PICK1: variants seen among roughly 807,000 people sequenced by gnomAD.
PICK1 encodes protein interacting with PRKCA 1.
In PICK1, 23 loss-of-function variants were observed where a neutral mutation model predicts 48.9. The observed-to-expected ratio is 0.47, with a 90% CI of 0.34 to 0.67. The LOEUF is 0.67. PICK1 is among the 30% of genes least tolerant of loss of function. The pLI is 0.01. For missense variants in PICK1, 423 were observed against 557.1 expected (o/e 0.76, Z 2.42); for synonymous variants, 217 against 228.2 (o/e 0.95, Z 0.44).
Position 38,073,499 on chromosome 22 carries a change from T to A in PICK1, c.784-274T>A, listed in dbSNP as rs780529015. 6.6e-6 allele frequency among the ~76,000 whole-genome samples: 1 copy of A among 152,236 alleles called. No homozygotes were observed. Among genetic ancestry groups the A allele is most frequent in the Non-Finnish European group, 1.5e-5 (1 of 68,038 alleles). The stretch of plus-strand genomic sequence containing the variant: ...CTGCAGGACTTATCAGAGCCTTTGC[T>A]AGGCTGATGTGCAGTGTGAATTTTC... On this transcript the variant is annotated intron_variant, in intron 10 of 12. Transcript: ENST00000356976. This position sits in a 1 kb window ranked among gnomAD's most constrained non-coding sequence, Gnocchi z 5.7.
chr22:38,059,368 G>T (rs373824807), intron 3 of PICK1, 23 bp downstream of exon 3: 1 of 1,450,648 alleles, frequency 6.9e-7, no homozygotes, highest in African/African-American at 1.4e-5. Context: ...TTGGAGGGGG[G>T]CACAAGGTAC....
At chr22:38,071,844 G>A (rs2085704089) in intron 8 of PICK1, 100 bp downstream of exon 8, 1 of 1,016,116 alleles carries the variant, frequency 9.8e-7, no homozygotes, top group Non-Finnish European at 1.6e-6. Flanking sequence ...CTGACCTCAG[G>A]CTCCCTCTGG....
At chr22:38,062,250 CTT>C (rs58816852) in intron 3 of PICK1, among the ~76,000 whole-genome samples, 590 of 133,664 alleles carry the variant, frequency 4.4e-3, no homozygotes, top group Non-Finnish European at 4.6e-3. Context: ...AATTTCCCAT[CTT>C]TTTTTTTTTT....
chr22:38,073,935 G>C lies in PICK1; in HGVS notation c.834+112G>C. 4.5e-6 allele frequency: 5 copies of C among 1,107,160 alleles called. No homozygotes were observed. Among genetic ancestry groups the C allele is most frequent in the South Asian group, 1.3e-5 (1 of 79,310 alleles). 68.6% of individuals were successfully genotyped at this position (1,107,160 alleles called of 1,614,324 possible). ...ACCGGGGGGACTTGGCTGGACTCTC[G>C]TTCCTGGAGATTTAGGGCCATCTTC... On this transcript the variant is annotated intron_variant, in intron 11 of 12. Coordinates refer to ENST00000356976, the MANE Select transcript of PICK1 (RefSeq NM_012407.4). The surrounding 1 kb of genome is among the most constrained non-coding windows in gnomAD (Gnocchi z 5.7).
rs1416453754 is a variant in PICK1 at position 38,066,385 on chromosome 22, T to A, written c.282+1255T>A. On this transcript the variant is annotated intron_variant, in intron 4 of 12. Transcript: ENST00000356976. This position sits in a 1 kb window ranked among gnomAD's most constrained non-coding sequence, Gnocchi z 4.1. The stretch of plus-strand genomic sequence containing the variant: ...TCTCCACTCGCCAGGTCCCTCCCTG[T>A]CCTCTCAGGCTTGGTCATACCAGCA... Among the ~76,000 whole-genome samples, 1 of 152,188 alleles carries A rather than the reference T, an allele frequency of 6.6e-6. No individual in the cohort carries two copies. Among genetic ancestry groups the A allele is most frequent in the Non-Finnish European group, 1.5e-5 (1 of 68,026 alleles).
chr22:38,072,461 C>A lies in PICK1; in HGVS notation c.557-16C>A. 1 of 1,610,746 alleles carries A rather than the reference C, an allele frequency of 6.2e-7. No homozygotes were observed. The highest frequency in any genetic ancestry group is 8.5e-7 in the Non-Finnish European group (1 of 1,179,088). ...GGCCAAGTAGGGGCAGCCTTCAAGG[C>A]AAACTTGTCCTGCAGCCTTTGGGGA... On this transcript the variant is annotated splice_polypyrimidine_tract_variant and intron_variant, in intron 8 of 12. Transcript: ENST00000356976.
rs1038678710 is a variant in PICK1, at chr22:38,066,585, G to A, written c.283-1119G>A. On this transcript the variant is annotated intron_variant, in intron 4 of 12. Coordinates refer to ENST00000356976, the MANE Select transcript of PICK1 (RefSeq NM_012407.4). The surrounding 1 kb of genome is among the most constrained non-coding windows in gnomAD (Gnocchi z 4.1). Reference sequence around the variant, plus strand: ...TGGTCACACAGCTGAACTGGAGCCCGGGCCCGACTCCCACTGCAGCCCGCT... The same window carrying A: ...TGGTCACACAGCTGAACTGGAGCCCAGGCCCGACTCCCACTGCAGCCCGCT... Among the ~76,000 whole-genome samples the A allele has an allele frequency of 3.9e-5, 6 of 152,148 alleles. No individual in the cohort carries two copies. The highest frequency in any genetic ancestry group is 9.7e-5 in the African/African-American group (4 of 41,418).
chr22:38,064,394 A>G, intron 3 of PICK1, among the ~76,000 whole-genome samples: 1 of 152,096 alleles, frequency 6.6e-6, no homozygotes, highest in East Asian at 1.9e-4. Flanking sequence ...AAGTAGTGTC[A>G]ACTTCATTTT....
intron 8 of PICK1, 42 bp downstream of exon 8, chr22:38,071,786 C>G (rs2085702788): frequency 6.5e-7 from 1 of 1,538,422 alleles, no homozygotes; most frequent in South Asian, 1.1e-5. Flanking sequence ...CGTGGGCAAT[C>G]CCTGGGGCCT....
intron 6 of PICK1, among the ~76,000 whole-genome samples, chr22:38,070,014 G>A (rs960826788): frequency 5.9e-5 from 9 of 152,232 alleles, no homozygotes; most frequent in Non-Finnish European, 1.0e-4. Flanking sequence ...CAGGTGCTAA[G>A]GCTCTGGGGA....
In PICK1 at chr22:38,074,119, G is replaced by T; in HGVS notation, c.835-188G>T. On this transcript the variant is annotated intron_variant, in intron 11 of 12. Transcript: ENST00000356976. This position sits in a 1 kb window ranked among gnomAD's most constrained non-coding sequence, Gnocchi z 4.5. ...TGTCGGGATCCATTTCGTGGCCAGT[G>T]TTCATTGAATGTGGCAGAGGTTTGG... 1.5e-6 allele frequency: 1 copy of T among 682,784 alleles called. No homozygotes were observed. Among genetic ancestry groups the T allele is most frequent in the Non-Finnish European group, 2.5e-6 (1 of 405,278 alleles). 42.3% of individuals were successfully genotyped at this position (682,784 alleles called of 1,614,324 possible).
rs938613885 is a variant in PICK1, at chr22:38,075,270, G to T, written c.*138G>T. 8.4e-6 allele frequency: 7 copies of T among 836,326 alleles called. No individual in the cohort carries two copies. The highest frequency in any genetic ancestry group is 5.8e-5 in the Admixed American group (2 of 34,678). The allele number at this position is 836,326 out of a possible 1,614,324, so 51.8% of individuals were successfully genotyped here. Reference sequence around the variant, plus strand: ...CCTGCCTCCCTGCTCCTCTGTCCTCGCACAGCGAACCTGGGCTCCTGCCCA... The same window carrying T: ...CCTGCCTCCCTGCTCCTCTGTCCTCTCACAGCGAACCTGGGCTCCTGCCCA... On this transcript the variant is annotated 3_prime_UTR_variant, in exon 13 of 13. Transcript: ENST00000356976.
At chr22:38,069,738 G>T (rs547905855) in intron 6 of PICK1, among the ~76,000 whole-genome samples, 58 of 152,276 alleles carry the variant, frequency 3.8e-4, no homozygotes, top group African/African-American at 1.2e-3. Context: ...CTAAGGAAGT[G>T]GGGGTGGGGA....
At position 38,057,847 on chromosome 22, in the gene PICK1, A is replaced by G. The variant is rs758299374; in HGVS notation, c.38A>G (p.Lys13Arg). Residue 13 changes from lysine to arginine, a missense_variant, in exon 2 of 13, where the codon AAA becomes AGA. Lys to Arg is a conservative substitution (Grantham distance 26, BLOSUM62 2). Transcript: ENST00000356976. ...ADLDYDIEED[K>R]LGIPTVPGKV... ...TTGGATTATGACATCGAAGAGGATA[A>G]ACTGTGAGTATTTTATTCCCCCAAG... 1 of 1,613,330 alleles carries G rather than the reference A, an allele frequency of 6.2e-7. No homozygotes were observed. Among genetic ancestry groups the G allele is most frequent in the Non-Finnish European group, 8.5e-7 (1 of 1,179,224 alleles).
chr22:38,075,683 C>G lies in PICK1; in HGVS notation c.*551C>G, dbSNP rs552414089. ...GGGTTCTGGGCCTGTATCGAATAAA[C>G]ACAAACCTGGATGGCGCAGTGGTCG... On this transcript the variant is annotated 3_prime_UTR_variant, in exon 13 of 13. Coordinates refer to ENST00000356976, the MANE Select transcript of PICK1 (RefSeq NM_012407.4). 6.4e-6 allele frequency: 1 copy of G among 155,230 alleles called. No homozygotes were observed. The highest frequency in any genetic ancestry group is 2.4e-5 in the African/African-American group (1 of 41,508). 9.6% of individuals were successfully genotyped at this position (155,230 alleles called of 1,614,324 possible). A position where few individuals can be genotyped will look rare whatever the true frequency, so the allele number is the denominator to read the frequency against.
At position 38,061,353 on chromosome 22, in the gene PICK1, A is replaced by C. The variant is rs186865693; in HGVS notation, c.153+2008A>C. 7.4e-3 allele frequency among the ~76,000 whole-genome samples: 1,117 copies of C among 151,068 alleles called. 9 individuals are homozygous for C. Among genetic ancestry groups the C allele is most frequent in the Non-Finnish European group, 0.011 (717 of 67,956 alleles). ...GAGACTCCGTCTCAAAAATAATAAT[A>C]ATCATCATCATCATAGAATTGATTT... On this transcript the variant is annotated intron_variant, in intron 3 of 12. Coordinates refer to ENST00000356976, the MANE Select transcript of PICK1 (RefSeq NM_012407.4).
Position 38,057,511 on chromosome 22 carries a change from C to T in PICK1, c.-134C>T. 1 of 454,052 alleles carries T rather than the reference C, an allele frequency of 2.2e-6. No individual in the cohort carries two copies. The highest frequency in any genetic ancestry group is 4.0e-6 in the Non-Finnish European group (1 of 249,750). The allele number at this position is 454,052 out of a possible 1,614,324, so 28.1% of individuals were successfully genotyped here. On this transcript the variant is annotated 5_prime_UTR_variant, in exon 1 of 13. Transcript: ENST00000356976. ...TCCGGTGAGCGACAGAGGCAGCTCC[C>T]CAGGGCCTGGAGACCCGTGGGGCGG...
At chr22:38,069,256 G>A (rs946885382) in intron 6 of PICK1, 134 bp downstream of exon 6, 1 of 680,992 alleles carries the variant, frequency 1.5e-6, no homozygotes, top group African/African-American at 1.8e-5. Context: ...GTGGAACTGA[G>A]AAGTCACCAT....
intron 7 of PICK1, among the ~76,000 whole-genome samples, 189 bp downstream of exon 7, chr22:38,071,080 C>T (rs1006792178): frequency 6.6e-6 from 1 of 152,196 alleles, no homozygotes; most frequent in Non-Finnish European, 1.5e-5. Flanking sequence ...GGTGCAGTGG[C>T]TCACGCCTGT....
Sources: gnomAD v4.1 joint callset for allele counts (sites outside exome capture counted in the v4.1 genomes callset) on GRCh38, gnomAD v4.1.1 for gene constraint, Gnocchi (gnomAD v3.1) non-coding constraint, MANE v1.5 for transcripts, NCBI Gene and HGNC (gene_info 2026-07-23, HGNC 2026-07-21) for gene names.